The following SLC26A4 variants were observed in gnomAD, a reference collection of about 807,000 sequenced individuals.
SLC26A4 encodes pendrin.
Under a neutral mutation model 90.4 loss-of-function variants are expected in SLC26A4, and 93 were observed. That is an observed-to-expected ratio of 1.03 (90% confidence interval 0.87 to 1.22). SLC26A4 has a LOEUF of 1.22. SLC26A4 is among the 50% of genes most tolerant of loss of function. The pLI, the probability that SLC26A4 is intolerant of heterozygous loss-of-function variation, is 0.00. For synonymous variants in SLC26A4, 393 were observed against 354.6 expected (o/e 1.11, Z -1.22); for missense variants, 1,127 against 946.2 (o/e 1.19, Z -2.51).
At chr7:107,675,738 TA>T (rs1562824871) in intron 6 of SLC26A4, among the ~76,000 whole-genome samples, 1 of 151,946 alleles carries the variant, frequency 6.6e-6, no homozygotes, top group Non-Finnish European at 1.5e-5. Flanking sequence ...CACACCCAGC[TA>T]ATTTTTGTAT....
rs1002693621 is a variant in SLC26A4 at position 107,693,777 on chromosome 7, A to G, written c.1264-626A>G. ...CACTGTTTCAGGCTGCCTTGGGGCA[A>G]AGCTCTGAGCCTGCCTCCGTGGAAC... On this transcript the variant is annotated intron_variant, in intron 10 of 20. Coordinates refer to ENST00000644269, the MANE Select transcript of SLC26A4 (RefSeq NM_000441.2). 2.3e-5 allele frequency: 21 copies of G among 933,066 alleles called. No homozygotes were observed. The Admixed American group carries it at 1.0e-3, about 47-fold the overall frequency. 57.8% of individuals were successfully genotyped at this position (933,066 alleles called of 1,614,324 possible).
Position 107,672,245 on chromosome 7 carries a change from G to C in SLC26A4, c.412G>C (p.Val138Leu), listed in dbSNP as rs111033199. ...CTTTGGAACATCAAGACATATCTCA[G>C]TTGGTAATTATAAGTATATTTTACA... Reference protein sequence around the residue: ...FIFGTSRHISVGPFPVVSLMV... With the variant: ...FIFGTSRHISLGPFPVVSLMV... Residue 138 changes from valine to leucine, a missense_variant, in exon 4 of 21, where the codon GTT becomes CTT. Transcript: ENST00000644269. The C allele has an allele frequency of 1.3e-6, 2 of 1,564,102 alleles. No individual in the cohort carries two copies. Among genetic ancestry groups the C allele is most frequent in the East Asian group, 2.2e-5 (1 of 44,562 alleles).
At chr7:107,689,359 T>C (rs989685548) in intron 9 of SLC26A4, among the ~76,000 whole-genome samples, 159 bp downstream of exon 9, 1 of 152,194 alleles carries the variant, frequency 6.6e-6, no homozygotes, top group Admixed American at 6.5e-5. Context: ...AGAAATTATT[T>C]TGGAATAGAC....
At chr7:107,682,067 G>A (rs1274079495) in intron 6 of SLC26A4, among the ~76,000 whole-genome samples, 1 of 137,064 alleles carries the variant, frequency 7.3e-6, no homozygotes, top group East Asian at 2.2e-4. Flanking sequence ...GAGCTCAGGA[G>A]TTCGAGGCCA....
chr7:107,683,513 G>C lies in SLC26A4; in HGVS notation c.977G>C (p.Gly326Ala), dbSNP rs1791312931. 6 of 1,613,764 alleles carry C rather than the reference G, an allele frequency of 3.7e-6. No individual in the cohort carries two copies. The South Asian group carries it at 6.6e-5, about 18-fold the overall frequency. ...AACCTGGAAAAAAATTACAATGCTG[G>C]CATTGTTAAATCCATCCCAAGGGGG... is the stretch of plus-strand genomic sequence containing the variant. ...GANLEKNYNA[G>A]IVKSIPRGFL... Residue 326 changes from glycine (G) to alanine (A), a missense_variant, in exon 8 of 21, where the codon GGC becomes GCC. Transcript: ENST00000644269.
intron 17 of SLC26A4, 71 bp downstream of exon 17, chr7:107,702,128 A>G (rs895570256): frequency 7.2e-6 from 7 of 971,982 alleles, no homozygotes; most frequent in South Asian, 6.6e-5. Flanking sequence ...GTTGTCCAGT[A>G]TTGCAACAGG....
At position 107,683,595 on chromosome 7, in the gene SLC26A4, A is replaced by T. The variant is rs972707050; in HGVS notation, c.1001+58A>T. 6.4e-4 allele frequency: 870 copies of T among 1,354,520 alleles called. 1 individual carries two copies. Among genetic ancestry groups the T allele is most frequent in the Non-Finnish European group, 4.3e-4 (413 of 951,674 alleles). 83.9% of individuals were successfully genotyped at this position (1,354,520 alleles called of 1,614,324 possible). On this transcript the variant is annotated intron_variant, in intron 8 of 20. Coordinates refer to ENST00000644269, the MANE Select transcript of SLC26A4 (RefSeq NM_000441.2). ...TTAAGTCAGTAAGTCAGTCTTTTTT[A>T]TTTAAATAAAACCTTTTATTACAAG...
intron 18 of SLC26A4, among the ~76,000 whole-genome samples, chr7:107,707,490 A>G (rs1792065300): frequency 6.6e-6 from 1 of 152,228 alleles, no homozygotes; most frequent in Non-Finnish European, 1.5e-5. Flanking sequence ...TATCAGAACA[A>G]AACAATTAAC....
chr7:107,688,024 C>T (rs1013913879), intron 8 of SLC26A4, among the ~76,000 whole-genome samples: 3 of 152,062 alleles, frequency 2.0e-5, no homozygotes, highest in African/African-American at 4.8e-5. Context: ...GGGCAGAGAA[C>T]CAGACAGATC....
chr7:107,675,864 G>A (rs371399919), intron 6 of SLC26A4, among the ~76,000 whole-genome samples: 2 of 151,352 alleles, frequency 1.3e-5, no homozygotes, highest in South Asian at 2.1e-4. Flanking sequence ...GAGCCACCGC[G>A]CCCGGCCTGG....
chr7:107,666,506 G>A (rs969084079), intron 3 of SLC26A4, among the ~76,000 whole-genome samples: 1 of 152,178 alleles, frequency 6.6e-6, no homozygotes, highest in African/African-American at 2.4e-5. Context: ...AGAGGTGTGA[G>A]CCATTGTGCC....
intron 6 of SLC26A4, among the ~76,000 whole-genome samples, chr7:107,675,547 G>A (rs1269513176): frequency 0.04 from 2 of 50 alleles, no homozygotes; most frequent in Admixed American, 0.25. Context: ...CTTGAGTCTG[G>A]GAGCACCCAC....
intron 2 of SLC26A4, among the ~76,000 whole-genome samples, chr7:107,662,729 T>A (rs768344822): frequency 2.1e-4 from 32 of 152,242 alleles, no homozygotes; most frequent in Non-Finnish European, 3.8e-4. Context: ...AATGCCTTAA[T>A]TAAAAAACAA....
chr7:107,668,488 A>G (rs897129927), intron 3 of SLC26A4, among the ~76,000 whole-genome samples: 1 of 152,222 alleles, frequency 6.6e-6, no homozygotes, highest in Non-Finnish European at 1.5e-5. Context: ...GACAATGTCC[A>G]TGCCACAACC....
intron 8 of SLC26A4, among the ~76,000 whole-genome samples, chr7:107,686,276 C>A (rs1347765469): frequency 2.5e-4 from 34 of 134,048 alleles, no homozygotes; most frequent in African/African-American, 9.3e-4. Context: ...TTCCTTCCCT[C>A]CCTTCCCTCC....
chr7:107,693,336 G>A (rs1584328610), intron 10 of SLC26A4: 6 of 985,338 alleles, frequency 6.1e-6, no homozygotes, highest in Non-Finnish European at 7.2e-6. Flanking sequence ...ACATCATATT[G>A]CCTCAGGCTG....
chr7:107,674,268 A>G lies in SLC26A4; in HGVS notation c.520A>G (p.Thr174Ala). Residue 174 changes from threonine to alanine, a missense_variant, in exon 5 of 21, where the codon ACT becomes GCT. By Grantham distance (58) the Thr-to-Ala change is moderately conservative. Coordinates refer to ENST00000644269, the MANE Select transcript of SLC26A4 (RefSeq NM_000441.2). ...SSSNGTVLNTTMIDTAARDTA... is the reference protein window; with the variant it reads ...SSSNGTVLNTAMIDTAARDTA... ...CAGCAATGGAACTGTATTAAATACT[A>G]CTATGATAGACACTGCAGCTAGAGA... 5.6e-6 allele frequency: 9 copies of G among 1,614,008 alleles called. No individual in the cohort carries two copies. The highest frequency in any genetic ancestry group is 7.6e-6 in the Non-Finnish European group (9 of 1,179,864).
intron 10 of SLC26A4, among the ~76,000 whole-genome samples, chr7:107,693,859 G>A (rs1226921823): frequency 6.6e-6 from 1 of 152,184 alleles, no homozygotes; most frequent in Non-Finnish European, 1.5e-5. Context: ...GTGGCATTTC[G>A]AATTTGCAAT....
intron 10 of SLC26A4, 45 bp downstream of exon 10, chr7:107,690,282 A>G: frequency 8.6e-7 from 1 of 1,159,644 alleles, no homozygotes; most frequent in Non-Finnish European, 1.3e-6. Context: ...GAACAAGTCG[A>G]GGAATGGCAA....
Sources: allele counts gnomAD v4.1 joint callset (sites outside exome capture counted in the v4.1 genomes callset), GRCh38; gene constraint gnomAD v4.1.1; transcripts MANE v1.5; gene names NCBI Gene and HGNC (gene_info 2026-07-23, HGNC 2026-07-21).